The following WDR75 variants were observed in gnomAD, a reference collection of about 807,000 sequenced individuals.
The protein encoded by WDR75 is WD repeat-containing protein 75.
In WDR75, 52 loss-of-function variants were observed where a neutral mutation model predicts 106.1. The observed-to-expected ratio is 0.49, with a 90% CI of 0.39 to 0.62. The LOEUF (loss-of-function observed/expected upper bound fraction) is 0.62. Ranked by LOEUF, WDR75 falls within the 20% of genes least tolerant of loss-of-function variation. WDR75 has a pLI of 0.00. For missense variants in WDR75, 905 were observed against 970.3 expected, an observed-to-expected ratio of 0.93 and a Z score of 0.89; for synonymous variants, 333 against 335.5, an observed-to-expected ratio of 0.99 and a Z score of 0.08.
In WDR75 at chr2:189,450,905, G is replaced by A; in HGVS notation, c.219G>A (p.Leu73=). ...IQLNPNNHLQ[L]YSCSLDGTIK... Reference sequence around the variant, plus strand: ...TTTGTATTGTTTTACCCTTTTAGCTGTATTCTTGTTCCCTTGATGGCACAA... The same window carrying A: ...TTTGTATTGTTTTACCCTTTTAGCTATATTCTTGTTCCCTTGATGGCACAA... The change falls in exon 3 of 21, where the codon CTG becomes CTA. Residue 73 remains leucine (L), a splice_region_variant and synonymous_variant. Transcript: ENST00000314761. 6.2e-7 allele frequency: 1 copy of A among 1,608,720 alleles called. No homozygotes were observed.
chr2:189,472,421 T>C (rs1270282215), intron 18 of WDR75, among the ~76,000 whole-genome samples: 6 of 152,244 alleles, frequency 3.9e-5, no homozygotes. Context: ...CTATTCTTTT[T>C]CTAGAACTCC....
chr2:189,453,302 G>A (rs1686664946), intron 4 of WDR75, among the ~76,000 whole-genome samples: 1 of 152,152 alleles, frequency 6.6e-6, no homozygotes, highest in African/African-American at 2.4e-5. Context: ...CTAGGTTTGG[G>A]ATGTACTTTA....
intron 14 of WDR75, 123 bp downstream of exon 14, chr2:189,467,771 A>G: frequency 2.1e-6 from 2 of 933,954 alleles, no homozygotes; most frequent in Non-Finnish European, 3.0e-6. Flanking sequence ...GCAAGCAGCT[A>G]ATCAAAATGC....
chr2:189,441,624 T>C (rs376463972), intron 1 of WDR75, 46 bp downstream of exon 1: 46 of 1,541,224 alleles, frequency 3.0e-5, no homozygotes, highest in African/African-American at 6.9e-5. Context: ...GGGGCGTGAG[T>C]TTCTCGAGGG....
chr2:189,457,440 T>G (rs2105560833), intron 6 of WDR75, 59 bp downstream of exon 6: 1 of 1,125,190 alleles, frequency 8.9e-7, no homozygotes, highest in East Asian at 2.5e-5. Context: ...TATAATTTTA[T>G]TTCTTCCTAA....
chr2:189,474,895 C>T (rs1687182712), intron 20 of WDR75, 87 bp downstream of exon 20: 1 of 1,071,050 alleles, frequency 9.3e-7, no homozygotes, highest in South Asian at 1.4e-5. Flanking sequence ...TATTCTTCCA[C>T]TGTATTTCTT....
Position 189,468,574 on chromosome 2 carries a change from GAT to G in WDR75, c.1723+8_1723+9del, listed in dbSNP as rs757370155. On this transcript the variant is annotated splice_donor_region_variant and intron_variant, in intron 15 of 20. Coordinates refer to ENST00000314761, the MANE Select transcript of WDR75 (RefSeq NM_032168.3). The stretch of plus-strand genomic sequence containing the variant: ...GGAATCTGCTGAGCTGTGCATGTAA[GAT>G]ATTTTTTACTCTAAAGTGATCTGGC... The G allele has an allele frequency of 1.9e-6, 3 of 1,612,588 alleles. No individual in the cohort carries two copies. The highest frequency in any genetic ancestry group is 2.2e-5 in the East Asian group (1 of 44,860).
chr2:189,468,356 A>C, intron 14 of WDR75, 119 bp from the exon 15 acceptor site: 1 of 818,902 alleles, frequency 1.2e-6, no homozygotes, highest in Non-Finnish European at 1.9e-6. Context: ...TATAAACAAA[A>C]ATATATATGT....
chr2:189,454,330 T>TC (rs1451796254), intron 4 of WDR75, among the ~76,000 whole-genome samples: 1 of 152,170 alleles, frequency 6.6e-6, no homozygotes, highest in Non-Finnish European at 1.5e-5. Context: ...GAAGAATGTG[T>TC]CAGTATTACA....
rs771483911 is a variant in WDR75, at chr2:189,459,324, T to G, written c.690-12T>G. ...CTATGGTCAAAATAAGAGTTTTATC[T>G]TTCTCCAATAGGAGGAATTTTTATG... On this transcript the variant is annotated splice_polypyrimidine_tract_variant and intron_variant, in intron 7 of 20. Coordinates refer to ENST00000314761, the MANE Select transcript of WDR75 (RefSeq NM_032168.3). 2 of 1,596,794 alleles carry G rather than the reference T, an allele frequency of 1.3e-6. No individual in the cohort carries two copies. Among genetic ancestry groups the G allele is most frequent in the Non-Finnish European group, 1.7e-6 (2 of 1,171,752 alleles).
chr2:189,470,900 CAGGATGTATTGCCTCCCTAAA>C, intron 18 of WDR75, 22 bp downstream of exon 18: 1 of 1,575,050 alleles, frequency 6.3e-7, no homozygotes, highest in Non-Finnish European at 8.6e-7. Flanking sequence ...CCATTCATAG[CAGGATGTATTGCCTCCCTAAA>C]AGGATACAAT....
At position 189,441,476 on chromosome 2, in the gene WDR75, T is replaced by G. The variant is rs1686358663; in HGVS notation, c.-17T>G. 1 of 1,555,408 alleles carries G rather than the reference T, an allele frequency of 6.4e-7. No homozygotes were observed. Among genetic ancestry groups the G allele is most frequent in the East Asian group, 2.4e-5 (1 of 41,468 alleles). ...CAGGGCGGGACCAGAGATTGGCCAT[T>G]CCGCTACTGCGCAAAGATGGTGGAG... On this transcript the variant is annotated 5_prime_UTR_variant, in exon 1 of 21. In the 5' UTR this introduces an upstream ATG that the reference lacks. Transcript: ENST00000314761.
At chr2:189,450,993 C>T (rs759510371) in intron 3 of WDR75, 25 bp downstream of exon 3, 23 of 1,576,948 alleles carry the variant, frequency 1.5e-5, no homozygotes, top group South Asian at 3.6e-5. Flanking sequence ...CTTTACTTTT[C>T]GTTATGTGAA....
rs1686907280 is a variant in WDR75 at position 189,462,354 on chromosome 2, G to A, written c.779-130G>A. ...TTCAGAGTATATTAAAAGATACGAA[G>A]ACACTTTTTGTAGCTTTAAATGAGT... is the stretch of plus-strand genomic sequence containing the variant. On this transcript the variant is annotated intron_variant, in intron 8 of 20. Transcript: ENST00000314761. 2.0e-5 allele frequency: 21 copies of A among 1,033,208 alleles called. 1 individual carries two copies. In the East Asian group the frequency reaches 5.0e-4, roughly 25 times the overall value. 64.0% of individuals were successfully genotyped at this position (1,033,208 alleles called of 1,614,324 possible).
chr2:189,464,598 T>C (rs1686963503), intron 11 of WDR75, among the ~76,000 whole-genome samples: 1 of 152,022 alleles, frequency 6.6e-6, no homozygotes, highest in African/African-American at 2.4e-5. Context: ...TTACTTAGTA[T>C]AGGCAAGGAA....
At position 189,474,802 on chromosome 2, in the gene WDR75, C is replaced by CT; in HGVS notation, c.2283dup (p.Lys762Ter). On this transcript the variant is annotated frameshift_variant, in exon 20 of 21. Transcript: ENST00000314761. LOFTEE classifies it high-confidence loss of function. ...AATTCATTGCTGCTGTCTAAAGAGA[C>CT]TAAGAGGTAAAGCAGTTCTTAAGAC... The CT allele has an allele frequency of 6.2e-7, 1 of 1,613,378 alleles. No individual in the cohort carries two copies. The highest frequency in any genetic ancestry group is 8.5e-7 in the Non-Finnish European group (1 of 1,179,418).
Position 189,459,388 on chromosome 2 carries a change from C to T in WDR75, c.742C>T (p.His248Tyr). The T allele has an allele frequency of 1.2e-6, 2 of 1,612,184 alleles. No individual in the cohort carries two copies. The highest frequency in any genetic ancestry group is 1.7e-5 in the Admixed American group (1 of 59,724). ...TACGTACACATGTTTACATTGGCAC[C>T]ATGATATGGTTATGGATTTGGCTTT... ...KYTYTCLHWH[H>Y]DMVMDLAFSV... Residue 248 changes from histidine to tyrosine, a missense_variant, in exon 8 of 21, where the codon CAT (histidine) becomes TAT (tyrosine). Transcript: ENST00000314761.
intron 12 of WDR75, 96 bp from the exon 13 acceptor site, chr2:189,466,329 C>G: frequency 7.4e-7 from 1 of 1,359,718 alleles, no homozygotes; most frequent in African/African-American, 1.5e-5. Context: ...GCCTGTTGTT[C>G]AAGATGCTAT....
At chr2:189,470,305 C>T in intron 17 of WDR75, 60 bp downstream of exon 17, 1 of 1,521,310 alleles carries the variant, frequency 6.6e-7, no homozygotes, top group Non-Finnish European at 8.9e-7. Flanking sequence ...ACTAATAGCC[C>T]ATGACTATTG....
Sources: gnomAD v4.1 joint callset for allele counts (sites outside exome capture counted in the v4.1 genomes callset) on GRCh38, gnomAD v4.1.1 for gene constraint, MANE v1.5 for transcripts, NCBI Gene and HGNC (gene_info 2026-07-23, HGNC 2026-07-21) for gene names.